TTC21B: variants seen among roughly 807,000 people sequenced by gnomAD.
The protein encoded by TTC21B is tetratricopeptide repeat protein 21B.
Under a neutral mutation model 175.1 loss-of-function variants are expected in TTC21B, and 127 were observed. The ratio of observed to expected loss-of-function variants is 0.73; its 90% CI spans 0.63 to 0.84. TTC21B has a LOEUF of 0.84. Ranked by LOEUF, TTC21B falls within the 40% of genes least tolerant of loss-of-function variation. The pLI, the probability that TTC21B is intolerant of heterozygous loss-of-function variation, is 0.00. For synonymous variants in TTC21B, 524 were observed against 524.5 expected (o/e 1.00, Z 0.01); for missense variants, 1,561 against 1,558.3 (o/e 1.00, Z -0.03).
chr2:165,933,064 G>GA lies in TTC21B; in HGVS notation c.711-8dup, dbSNP rs1686972466. On this transcript the variant is annotated splice_region_variant and splice_polypyrimidine_tract_variant and intron_variant, in intron 6 of 28. Coordinates refer to ENST00000243344, the MANE Select transcript of TTC21B (RefSeq NM_024753.5). ...GCTATCTTGGAGCAGCAACCTGCAG[G>GA]AAAACAATTTAGTTAATGTCAAAAT... is the stretch of plus-strand genomic sequence containing the variant. 2 of 1,610,756 alleles carry GA rather than the reference G, an allele frequency of 1.2e-6. No individual in the cohort carries two copies. The highest frequency in any genetic ancestry group is 1.7e-6 in the Non-Finnish European group (2 of 1,178,364).
intron 6 of TTC21B, among the ~76,000 whole-genome samples, chr2:165,940,514 C>T (rs1687325690): frequency 6.6e-6 from 1 of 152,152 alleles, no homozygotes; most frequent in Non-Finnish European, 1.5e-5. Flanking sequence ...GACATGTGCT[C>T]CCACCTCGGG....
intron 3 of TTC21B, chr2:165,948,650 T>C (rs1687662964): frequency 6.6e-6 from 1 of 152,242 alleles, no homozygotes; most frequent in African/African-American, 2.4e-5. Flanking sequence ...CTTTATTACA[T>C]ACAATTTGGA....
intron 19 of TTC21B, among the ~76,000 whole-genome samples, chr2:165,903,535 C>A (rs568389165): frequency 3.3e-5 from 5 of 152,138 alleles, no homozygotes; most frequent in Non-Finnish European, 7.3e-5. Flanking sequence ...CTGTGAAGAA[C>A]TGACTAGAGG....
intron 12 of TTC21B, among the ~76,000 whole-genome samples, chr2:165,921,170 C>T (rs1291638123): frequency 6.6e-6 from 1 of 152,058 alleles, no homozygotes. Context: ...GAAAGACCAA[C>T]CCTGTGATTA....
Position 165,888,285 on chromosome 2 carries a change from T to C in TTC21B, c.3453A>G (p.Ala1151=), listed in dbSNP as rs951636516. ...QALNTFTEIA[A]SEKEHIPALL... is the part of the protein sequence containing the mutation. ...AAAAAGGAAATCCACTAACCTCAGA[T>C]GCTGCTATTTCAGTGAAGGTATTTA... Residue 1151 remains alanine, a synonymous_variant, in exon 25 of 29, where the codon GCA becomes GCG. Coordinates refer to ENST00000243344, the MANE Select transcript of TTC21B (RefSeq NM_024753.5). The C allele has an allele frequency of 3.1e-6, 5 of 1,611,826 alleles. No individual in the cohort carries two copies. In the Admixed American group the frequency reaches 5.0e-5, roughly 16 times the overall value.
At chr2:165,936,261 G>A (rs1292980262) in intron 6 of TTC21B, among the ~76,000 whole-genome samples, 2 of 151,890 alleles carry the variant, frequency 1.3e-5, no homozygotes, top group Non-Finnish European at 2.9e-5. Context: ...ACATCCACAT[G>A]GAAAAAATGA....
At chr2:165,907,651 A>C in intron 19 of TTC21B, 27 bp downstream of exon 19, 1 of 1,485,846 alleles carries the variant, frequency 6.7e-7, no homozygotes, top group Non-Finnish European at 9.4e-7. Context: ...CTACCTCATG[A>C]CCACACTCAC....
chr2:165,952,150 G>C (rs938120581), intron 1 of TTC21B, among the ~76,000 whole-genome samples: 1 of 152,186 alleles, frequency 6.6e-6, no homozygotes, highest in Non-Finnish European at 1.5e-5. Flanking sequence ...TCTAGAGCAG[G>C]GTTTGGCAAA....
At chr2:165,943,700 C>A (rs1243038639) in intron 4 of TTC21B, among the ~76,000 whole-genome samples, 1 of 152,070 alleles carries the variant, frequency 6.6e-6, no homozygotes, top group Non-Finnish European at 1.5e-5. Flanking sequence ...TTTGTTGTTT[C>A]TTTTTGGACA....
chr2:165,894,472 C>G (rs1685295523), intron 22 of TTC21B, among the ~76,000 whole-genome samples: 1 of 152,062 alleles, frequency 6.6e-6, no homozygotes. Flanking sequence ...CAAAATAGAT[C>G]TGTGGATAAG....
At chr2:165,883,733 T>C (rs1362513884) in intron 26 of TTC21B, 61 bp downstream of exon 26, 6 of 1,309,468 alleles carry the variant, frequency 4.6e-6, no homozygotes, top group African/African-American at 1.4e-5. Flanking sequence ...CTCAACAATA[T>C]CTATATGGAA....
rs11897687 is a variant in TTC21B, at chr2:165,908,088, T to C, written c.2462-304A>G. ...ATTTCCATTTTTATTCTTAAGTGTA[T>C]AAAAATTTGTTTACTGAAGTCATTA... On this transcript the variant is annotated intron_variant, in intron 18 of 28. Transcript: ENST00000243344. Among the ~76,000 whole-genome samples, 66,206 of 152,030 alleles carry C rather than the reference T, an allele frequency of 0.44. 15,168 individuals are homozygous for C. The highest frequency in any genetic ancestry group is 0.57 in the Middle Eastern group (167 of 292).
intron 13 of TTC21B, among the ~76,000 whole-genome samples, chr2:165,917,926 C>T (rs1290588616): frequency 6.6e-6 from 1 of 152,106 alleles, no homozygotes; most frequent in African/African-American, 2.4e-5. Flanking sequence ...CAAACATTGA[C>T]CTTCCCCTTT....
At chr2:165,944,450 T>C (rs1393680148) in intron 4 of TTC21B, among the ~76,000 whole-genome samples, 1 of 152,174 alleles carries the variant, frequency 6.6e-6, no homozygotes, top group Non-Finnish European at 1.5e-5. Context: ...TATTTAAAAA[T>C]TTTGAACTTT....
At chr2:165,895,780 C>A (rs1038017244) in intron 22 of TTC21B, among the ~76,000 whole-genome samples, 2 of 152,000 alleles carry the variant, frequency 1.3e-5, no homozygotes, top group African/African-American at 4.8e-5. Context: ...TCACAGCATT[C>A]TTTTAAATAA....
chr2:165,912,041 C>CCAGTGAACCTTAT (rs1685969731), intron 17 of TTC21B, among the ~76,000 whole-genome samples: 1 of 151,984 alleles, frequency 6.6e-6, no homozygotes, highest in Admixed American at 6.5e-5. Context: ...TTTTATGAGG[C>CCAGTGAACCTTAT]CAGTGAACCT....
chr2:165,901,873 T>C lies in TTC21B; in HGVS notation c.2606A>G (p.Gln869Arg), dbSNP rs137926033. The change falls in exon 20 of 29, where the codon CAG (glutamine) becomes CGG (arginine). Residue 869 changes from glutamine to arginine, a missense_variant. By Grantham distance (43) the Gln-to-Arg change is conservative. Transcript: ENST00000243344. ...AGGAACTGCATCTGGCTGTTCCATCTGAACACGTTTTAGTACCCGAGCTTG... is the reference window on the plus strand; with the variant it reads ...AGGAACTGCATCTGGCTGTTCCATCCGAACACGTTTTAGTACCCGAGCTTG... The part of the protein sequence containing the change: ...ELQARVLKRV[Q>R]MEQPDAVPAQ... 154 of 1,613,836 alleles carry C rather than the reference T, an allele frequency of 9.5e-5. 1 individual carries two copies. Among genetic ancestry groups the C allele is most frequent in the Non-Finnish European group, 1.2e-4 (139 of 1,179,986 alleles).
rs145264316 is a variant in TTC21B at position 165,917,979 on chromosome 2, C to T, written c.1675-498G>A. ...TGTAGTTCTGAAGCTTCCATCTTTA[C>T]GTTGGCTATCAACAGTATATACAGA... On this transcript the variant is annotated intron_variant, in intron 13 of 28. Coordinates refer to ENST00000243344, the MANE Select transcript of TTC21B (RefSeq NM_024753.5). Among the ~76,000 whole-genome samples, 21 of 152,122 alleles carry T rather than the reference C, an allele frequency of 1.4e-4. No homozygotes were observed. The East Asian group carries it at 3.1e-3, about 22-fold the overall frequency.
At chr2:165,916,987 C>T (rs1686198115) in intron 14 of TTC21B, among the ~76,000 whole-genome samples, 1 of 152,122 alleles carries the variant, frequency 6.6e-6, no homozygotes, top group African/African-American at 2.4e-5. Context: ...AGCGATTCTC[C>T]TGCCTCAGCC....
Sources: allele counts gnomAD v4.1 joint callset (sites outside exome capture counted in the v4.1 genomes callset), GRCh38; gene constraint gnomAD v4.1.1; transcripts MANE v1.5; gene names NCBI Gene and HGNC (gene_info 2026-07-23, HGNC 2026-07-21).